The following KIF23 variants were observed in gnomAD, a reference collection of about 807,000 sequenced individuals.
KIF23 encodes the protein kinesin family member 23.
KIF23 carries 30 observed loss-of-function variants against 137.5 expected under a neutral mutation model. The ratio of observed to expected loss-of-function variants is 0.22; its 90% CI spans 0.16 to 0.30. The LOEUF (loss-of-function observed/expected upper bound fraction) is 0.30. KIF23 is among the 10% of genes least tolerant of loss of function. The pLI is 1.00. For missense variants in KIF23, 920 were observed against 1,194.3 expected, an observed-to-expected ratio of 0.77 and a Z score of 3.38; for synonymous variants, 367 against 391.1, an observed-to-expected ratio of 0.94 and a Z score of 0.73.
intron 1 of KIF23, chr15:69,414,716 G>A: frequency 2.5e-6 from 1 of 407,686 alleles, no homozygotes; most frequent in Non-Finnish European, 4.3e-6. Flanking sequence ...GCCTCCAAGG[G>A]GCCAGGAAGG....
chr15:69,414,813 C>T, intron 1 of KIF23: 1 of 300,010 alleles, frequency 3.3e-6, no homozygotes, highest in Non-Finnish European at 6.1e-6. Context: ...CAGCCTTTCC[C>T]TTCTCCCTCG....
In KIF23 at chr15:69,446,868, C is replaced by CA; in HGVS notation, c.2839-2dup. The CA allele has an allele frequency of 6.2e-7, 1 of 1,613,948 alleles. No individual in the cohort carries two copies. Among genetic ancestry groups the CA allele is most frequent in the African/African-American group, 1.3e-5 (1 of 75,030 alleles). On this transcript the variant is annotated splice_polypyrimidine_tract_variant and splice_region_variant and intron_variant, in intron 22 of 23. Coordinates refer to ENST00000679126, the MANE Select transcript of KIF23 (RefSeq NM_001367805.3). ...CTTTTTCCTCTTGTCATTTTCCTCT[C>CA]AGTGTTCTGTGGCTGTGGAGATGAG...
chr15:69,446,953 CTGTAAT>C lies in KIF23; in HGVS notation c.2909+15_2909+20del, dbSNP rs2057753458. On this transcript the variant is annotated intron_variant, in intron 23 of 23. Transcript: ENST00000679126. Reference sequence around the variant, plus strand: ...CACGCACAACCCAAGTGAGTACTGACTGTAATTGGGGTCTTGCTGTGTGCTTTTTTC... The same window carrying C: ...CACGCACAACCCAAGTGAGTACTGACTGGGGTCTTGCTGTGTGCTTTTTTC... 2 of 1,611,466 alleles carry C rather than the reference CTGTAAT, an allele frequency of 1.2e-6. No homozygotes were observed. The highest frequency in any genetic ancestry group is 2.2e-5 in the South Asian group (2 of 91,046).
chr15:69,447,976 C>T lies in KIF23; in HGVS notation c.*169C>T, dbSNP rs968964319. On this transcript the variant is annotated 3_prime_UTR_variant, in exon 24 of 24. Transcript: ENST00000679126. ...CAGAGCAAAGCTTTCCCTATGGTTC[C>T]AAAGACAACTAGTATTCAACAAACC... is the stretch of plus-strand genomic sequence containing the variant. 2 of 497,668 alleles carry T rather than the reference C, an allele frequency of 4.0e-6. No individual in the cohort carries two copies. Among genetic ancestry groups the T allele is most frequent in the African/African-American group, 3.8e-5 (2 of 52,164 alleles). 30.8% of individuals were successfully genotyped at this position (497,668 alleles called of 1,614,324 possible). A position where few individuals can be genotyped will look rare whatever the true frequency, so the allele number is the denominator to read the frequency against.
At chr15:69,433,010 A>G (rs186833798) in intron 11 of KIF23, among the ~76,000 whole-genome samples, 1 of 152,302 alleles carries the variant, frequency 6.6e-6, no homozygotes, top group East Asian at 1.9e-4. Flanking sequence ...ACACCCCATC[A>G]TGTTCCCCCG....
At chr15:69,419,335 G>C (rs1330870217) in intron 3 of KIF23, among the ~76,000 whole-genome samples, 2 of 152,132 alleles carry the variant, frequency 1.3e-5, no homozygotes, top group Non-Finnish European at 2.9e-5. Flanking sequence ...TCATTTTCCT[G>C]TTCAAAACCT....
chr15:69,436,307 T>C, intron 14 of KIF23, 46 bp downstream of exon 14: 1 of 1,564,226 alleles, frequency 6.4e-7, no homozygotes, highest in Non-Finnish European at 8.6e-7. Context: ...GGTCTGTCTG[T>C]TTCTCTCTTT....
chr15:69,428,660 C>CAAAAAA (rs59950355), intron 10 of KIF23, among the ~76,000 whole-genome samples: 10 of 74,054 alleles, frequency 1.4e-4, no homozygotes, highest in African/African-American at 4.6e-4. Flanking sequence ...CTCTGTCTCC[C>CAAAAAA]AAAAAAAAAA....
In KIF23 at chr15:69,446,131, T is replaced by C. The variant is rs368177068; in HGVS notation, c.2756+40T>C. The C allele has an allele frequency of 1.9e-6, 3 of 1,550,978 alleles. No individual in the cohort carries two copies. In the African/African-American group the frequency reaches 4.1e-5, roughly 21 times the overall value. ...AAAATCTCTGTATAAAAGTTGGTCA[T>C]TTTCTTAGCTGCTCATTTTGGAGGA... is the stretch of plus-strand genomic sequence containing the variant. On this transcript the variant is annotated intron_variant, in intron 21 of 23. Coordinates refer to ENST00000679126, the MANE Select transcript of KIF23 (RefSeq NM_001367805.3).
At chr15:69,414,769 C>T (rs2056851673) in intron 1 of KIF23, 1 of 357,246 alleles carries the variant, frequency 2.8e-6, no homozygotes. Context: ...ACCCGGTTCC[C>T]GGGGGCGGGG....
At chr15:69,421,335 C>T (rs1030958743) in intron 3 of KIF23, among the ~76,000 whole-genome samples, 5 of 152,224 alleles carry the variant, frequency 3.3e-5, no homozygotes, top group Middle Eastern at 3.4e-3. Flanking sequence ...TTGCAGTGAG[C>T]CGAGATTGTG....
chr15:69,414,497 C>A, intron 1 of KIF23, 21 bp downstream of exon 1: 2 of 1,568,940 alleles, frequency 1.3e-6, no homozygotes, highest in African/African-American at 1.4e-5. Context: ...GGCCGCCGAG[C>A]AGGGAGAGAG....
intron 3 of KIF23, among the ~76,000 whole-genome samples, chr15:69,418,250 C>T (rs1276569631): frequency 2.0e-5 from 3 of 152,170 alleles, no homozygotes; most frequent in Non-Finnish European, 2.9e-5. Context: ...TCTTCATCCT[C>T]ATTTTAACCT....
intron 11 of KIF23, chr15:69,434,592 C>T: frequency 8.0e-7 from 1 of 1,252,156 alleles, no homozygotes; most frequent in Non-Finnish European, 1.2e-6. Flanking sequence ...TCTCCTTCTT[C>T]CAAGGTCATG....
intron 11 of KIF23, among the ~76,000 whole-genome samples, chr15:69,431,391 A>G (rs1596000514): frequency 6.6e-6 from 1 of 152,242 alleles, no homozygotes; most frequent in South Asian, 2.1e-4. Flanking sequence ...AGGCAGGCGG[A>G]TCACGAGGTC....
chr15:69,426,780 A>G, intron 10 of KIF23: 1 of 249,232 alleles, frequency 4.0e-6, no homozygotes, highest in Non-Finnish European at 7.8e-6. Flanking sequence ...GAATAAATAT[A>G]CAGTTGGTTC....
chr15:69,438,729 A>C (rs1400782167), intron 16 of KIF23, among the ~76,000 whole-genome samples: 2 of 151,770 alleles, frequency 1.3e-5, no homozygotes, highest in Non-Finnish European at 2.9e-5. Flanking sequence ...TGAACTGGGG[A>C]GGTGGAGGTT....
intron 14 of KIF23, 110 bp from the exon 15 acceptor site, chr15:69,436,454 A>C (rs952761475): frequency 8.4e-7 from 1 of 1,192,780 alleles, no homozygotes. Context: ...ATGTCAGCTC[A>C]AGAAATTGCA....
intron 2 of KIF23, 86 bp downstream of exon 2, chr15:69,416,149 AAAG>A: frequency 9.9e-6 from 8 of 804,188 alleles, no homozygotes; most frequent in African/African-American, 7.2e-5. Context: ...CTTGGAAGGG[AAAG>A]AAGAAGACAT....
Sources: gnomAD v4.1 joint callset for allele counts (sites outside exome capture counted in the v4.1 genomes callset) on GRCh38, gnomAD v4.1.1 for gene constraint, MANE v1.5 for transcripts, NCBI Gene and HGNC (gene_info 2026-07-23, HGNC 2026-07-21) for gene names.